The following ARHGAP10 variants were observed in gnomAD, a reference collection of about 807,000 sequenced individuals.
ARHGAP10 encodes Rho GTPase activating protein 10, also known as rho GTPase-activating protein 10.
ARHGAP10 carries 87 observed loss-of-function variants against 108.6 expected under a neutral mutation model. The observed-to-expected ratio is 0.80, with a 90% CI of 0.67 to 0.96. The LOEUF (loss-of-function observed/expected upper bound fraction) is 0.96, where lower values mean the gene tolerates loss of function less well. Among genes scored for constraint, ARHGAP10 ranks in the 40% least tolerant of loss-of-function variants. ARHGAP10 has a pLI of 0.00. For synonymous variants in ARHGAP10, 347 were observed against 341.1 expected, an observed-to-expected ratio of 1.02 and a Z score of -0.19; for missense variants, 939 against 954.5, an observed-to-expected ratio of 0.98 and a Z score of 0.21.
At chr4:147,976,450 T>C (rs1044776042) in intron 18 of ARHGAP10, among the ~76,000 whole-genome samples, 3 of 152,134 alleles carry the variant, frequency 2.0e-5, no homozygotes, top group Non-Finnish European at 4.4e-5. Context: ...GCAAGAATAT[T>C]TGACAAATTT....
At chr4:147,975,229 T>C (rs1739549339) in intron 18 of ARHGAP10, among the ~76,000 whole-genome samples, 1 of 152,028 alleles carries the variant, frequency 6.6e-6, no homozygotes, top group Non-Finnish European at 1.5e-5. Context: ...GTGGAGGCCA[T>C]TGTGGTGGTC....
At chr4:147,856,750 G>A (rs929737440) in intron 4 of ARHGAP10, among the ~76,000 whole-genome samples, 1 of 152,178 alleles carries the variant, frequency 6.6e-6, no homozygotes, top group East Asian at 1.9e-4. Context: ...TCAGAGAAGG[G>A]ATACTTAACC....
At chr4:147,969,916 C>G (rs907193492) in intron 18 of ARHGAP10, among the ~76,000 whole-genome samples, 4 of 152,108 alleles carry the variant, frequency 2.6e-5, no homozygotes, top group African/African-American at 9.7e-5. Context: ...CAGAAGGGAG[C>G]AATGGACATC....
intron 10 of ARHGAP10, among the ~76,000 whole-genome samples, chr4:147,883,476 C>A (rs1735419465): frequency 6.6e-6 from 1 of 152,202 alleles, no homozygotes; most frequent in South Asian, 2.1e-4. Flanking sequence ...GGATTCCTTT[C>A]TGAGTGCCAC....
In ARHGAP10 at chr4:148,017,682, A is replaced by ATATATATG. The variant is rs1437383455; in HGVS notation, c.1717-5580_1717-5579insATATATGT. The stretch of plus-strand genomic sequence containing the variant: ...TATATATATATATATATATATATAT[A>ATATATATG]TGTGTGTGTATGTAAAGGAATTCAG... On this transcript the variant is annotated intron_variant, in intron 18 of 22. Transcript: ENST00000336498. Among the ~76,000 whole-genome samples the ATATATATG allele has an allele frequency of 4.7e-4, 64 of 135,232 alleles. 1 individual carries two copies. Among genetic ancestry groups the ATATATATG allele is most frequent in the South Asian group, 1.2e-3 (5 of 4,006 alleles). 88.7% of individuals were successfully genotyped at this position (135,232 alleles called of 152,430 possible).
intron 1 of ARHGAP10, among the ~76,000 whole-genome samples, chr4:147,766,825 TATATATATATATA>T (rs1729847046): frequency 8.2e-6 from 1 of 122,052 alleles, no homozygotes; most frequent in African/African-American, 3.5e-5. Context: ...TATATATATA[TATATATATATATA>T]TTTATTTATT....
At chr4:147,829,906 C>G (rs1732877193) in intron 3 of ARHGAP10, among the ~76,000 whole-genome samples, 1 of 152,044 alleles carries the variant, frequency 6.6e-6, no homozygotes, top group South Asian at 2.1e-4. Flanking sequence ...TGGTTGAGAC[C>G]CAGAGGTTCA....
At chr4:147,983,627 T>C (rs988650088) in intron 18 of ARHGAP10, among the ~76,000 whole-genome samples, 1 of 152,202 alleles carries the variant, frequency 6.6e-6, no homozygotes, top group Non-Finnish European at 1.5e-5. Flanking sequence ...GAAATTCCTA[T>C]AGTGAATTTT....
intron 1 of ARHGAP10, among the ~76,000 whole-genome samples, chr4:147,741,767 TAC>T (rs369661175): frequency 0.16 from 21,305 of 133,968 alleles, 2,728 homozygotes; most frequent in African/African-American, 0.37. Context: ...TCGTTCTCTT[TAC>T]ACACACACAC....
At chr4:147,831,594 T>C (rs549846762) in intron 3 of ARHGAP10, among the ~76,000 whole-genome samples, 10 of 152,234 alleles carry the variant, frequency 6.6e-5, no homozygotes, top group Middle Eastern at 3.2e-3. Context: ...CTCAGTTTGG[T>C]TTAAAAGTTG....
intron 1 of ARHGAP10, among the ~76,000 whole-genome samples, chr4:147,770,457 G>A (rs764817186): frequency 1.3e-5 from 2 of 152,130 alleles, no homozygotes; most frequent in East Asian, 1.9e-4. Flanking sequence ...CCCGGGAGGC[G>A]GAGATTGCAG....
intron 18 of ARHGAP10, among the ~76,000 whole-genome samples, chr4:148,010,914 A>G (rs546988480): frequency 6.6e-6 from 1 of 152,336 alleles, no homozygotes; most frequent in South Asian, 2.1e-4. Flanking sequence ...CCAATCCAGG[A>G]TCATACATTA....
intron 1 of ARHGAP10, among the ~76,000 whole-genome samples, chr4:147,755,099 T>C (rs1729314610): frequency 6.7e-6 from 1 of 149,788 alleles, no homozygotes; most frequent in South Asian, 2.1e-4. Context: ...AAAAAAAAAT[T>C]CTTTCAAAAT....
chr4:148,005,306 A>G (rs1317354), intron 18 of ARHGAP10, among the ~76,000 whole-genome samples: 21,856 of 152,140 alleles, frequency 0.14, 2,536 homozygotes, highest in African/African-American at 0.32. Flanking sequence ...TATATAAGCT[A>G]GGTGTGCTGG....
chr4:147,845,706 C>G (rs953706063), intron 3 of ARHGAP10, among the ~76,000 whole-genome samples: 1 of 152,140 alleles, frequency 6.6e-6, no homozygotes, highest in Non-Finnish European at 1.5e-5. Flanking sequence ...TTTGGGATCA[C>G]TAGTTGGGTA....
Position 147,833,873 on chromosome 4 carries a change from T to C in ARHGAP10, c.312+10916T>C, listed in dbSNP as rs540051679. 7.9e-5 allele frequency among the ~76,000 whole-genome samples: 12 copies of C among 152,280 alleles called. 1 individual carries two copies. In the South Asian group the frequency reaches 2.5e-3, roughly 32 times the overall value. ...AAAATGCCAATGTAGTGGGAAAATA[T>C]GGTTTCGAAGCTGTGGCAGCCATGG... is the stretch of plus-strand genomic sequence containing the variant. On this transcript the variant is annotated intron_variant, in intron 3 of 22. Coordinates refer to ENST00000336498, the MANE Select transcript of ARHGAP10 (RefSeq NM_024605.4).
At chr4:147,805,606 C>T (rs1731751199) in intron 1 of ARHGAP10, among the ~76,000 whole-genome samples, 1 of 152,154 alleles carries the variant, frequency 6.6e-6, no homozygotes, top group Non-Finnish European at 1.5e-5. Context: ...CCCTTCTCTT[C>T]ATTTTTTAAA....
rs547956087 is a variant in ARHGAP10, at chr4:147,864,853, T to A, written c.494T>A (p.Ile165Asn). ...KKDSHLQEAD[I>N]QVEQNRQHFY... is the part of the protein sequence containing the mutation. ...TCTGTGATTTTAACATAGGCAGATA[T>A]CCAAGTAGAGCAGAACCGGCAACAC... Residue 165 changes from isoleucine (I) to asparagine (N), a missense_variant, in exon 6 of 23, where the codon ATC becomes AAC. Coordinates refer to ENST00000336498, the MANE Select transcript of ARHGAP10 (RefSeq NM_024605.4). 47 of 1,613,450 alleles carry A rather than the reference T, an allele frequency of 2.9e-5. No homozygotes were observed. In the South Asian group the frequency reaches 5.0e-4, roughly 17 times the overall value.
intron 7 of ARHGAP10, among the ~76,000 whole-genome samples, chr4:147,867,022 G>A (rs866070055): frequency 3.3e-5 from 5 of 152,210 alleles, no homozygotes; most frequent in Middle Eastern, 3.4e-3. Flanking sequence ...GCCACCTGGC[G>A]GCTTTTCCTG....
Sources: allele counts gnomAD v4.1 joint callset (sites outside exome capture counted in the v4.1 genomes callset), GRCh38; gene constraint gnomAD v4.1.1; transcripts MANE v1.5; gene names NCBI Gene and HGNC (gene_info 2026-07-23, HGNC 2026-07-21).